BBS7: variants seen among roughly 807,000 people sequenced by gnomAD.
The protein encoded by BBS7 is BBSome complex member BBS7.
Under a neutral mutation model 90.3 loss-of-function variants are expected in BBS7, and 50 were observed. That is an observed-to-expected ratio of 0.55 (90% CI 0.44 to 0.70). The LOEUF (loss-of-function observed/expected upper bound fraction) is 0.70. Among genes scored for constraint, BBS7 ranks in the 30% least tolerant of loss-of-function variants. The probability of loss-of-function intolerance (pLI) is 0.00; values close to 1 mark genes in which losing one functional copy is unlikely to be tolerated. For missense variants in BBS7, 729 were observed against 838.9 expected (o/e 0.87, Z 1.62); for synonymous variants, 235 against 287.4 (o/e 0.82, Z 1.85).
intron 4 of BBS7, 87 bp from the exon 5 acceptor site, chr4:121,859,265 T>G: frequency 1.7e-6 from 2 of 1,151,324 alleles, no homozygotes; most frequent in Non-Finnish European, 2.6e-6. Context: ...GTATACAGTT[T>G]ACTAACATTT....
rs1415467368 is a variant in BBS7 at position 121,825,781 on chromosome 4, A to T, written c.*79T>A. The T allele has an allele frequency of 1.4e-6, 2 of 1,451,756 alleles. No individual in the cohort carries two copies. Among genetic ancestry groups the T allele is most frequent in the Non-Finnish European group, 1.9e-6 (2 of 1,048,172 alleles). The allele number at this position is 1,451,756 out of a possible 1,614,324, so 89.9% of individuals were successfully genotyped here. A position where few individuals can be genotyped will look rare whatever the true frequency, so the allele number is the denominator to read the frequency against. On this transcript the variant is annotated 3_prime_UTR_variant, in exon 19 of 19. Coordinates refer to ENST00000264499, the MANE Select transcript of BBS7 (RefSeq NM_176824.3). Reference sequence around the variant, plus strand: ...AAAAGCATTTGAAATTAAAGTACATACACAGTTAACTTCTAATTCTCTTTT... The same window carrying T: ...AAAAGCATTTGAAATTAAAGTACATTCACAGTTAACTTCTAATTCTCTTTT...
At chr4:121,840,840 CTTT>C (rs140599414) in intron 12 of BBS7, among the ~76,000 whole-genome samples, 5 of 142,018 alleles carry the variant, frequency 3.5e-5, no homozygotes, top group Admixed American at 7.1e-5. Flanking sequence ...TAAATATATT[CTTT>C]TTTTTTTTTT....
intron 2 of BBS7, among the ~76,000 whole-genome samples, chr4:121,864,911 A>G (rs1216533250): frequency 6.6e-6 from 1 of 152,212 alleles, no homozygotes; most frequent in Non-Finnish European, 1.5e-5. Flanking sequence ...AGGATCAGTC[A>G]ATACCTTCTT....
chr4:121,861,661 G>C lies in BBS7; in HGVS notation c.184C>G (p.Pro62Ala), dbSNP rs765777187. The change falls in exon 4 of 19, where the codon CCC (proline) becomes GCC (alanine). Residue 62 changes from proline to alanine, a missense_variant. Pro to Ala is a conservative substitution (Grantham distance 27). Transcript: ENST00000264499. ...GEAAAVFKTL[P>A]GPKIARLELG... is the part of the protein sequence containing the mutation. ...TCCAGCCTTGCAATCTTCGGCCCGGGTAAAGTCTTGAACACTGCCTGAAAA... is the reference window on the plus strand; with the variant it reads ...TCCAGCCTTGCAATCTTCGGCCCGGCTAAAGTCTTGAACACTGCCTGAAAA... 6.2e-7 allele frequency: 1 copy of C among 1,613,320 alleles called. No homozygotes were observed. Among genetic ancestry groups the C allele is most frequent in the Non-Finnish European group, 8.5e-7 (1 of 1,179,718 alleles).
intron 2 of BBS7, among the ~76,000 whole-genome samples, chr4:121,864,522 CAT>C (rs1560668919): frequency 6.6e-6 from 1 of 152,130 alleles, no homozygotes. Flanking sequence ...TTCATAAAGA[CAT>C]GTTATGTAAA....
At chr4:121,852,867 AT>A in intron 8 of BBS7, 88 bp downstream of exon 8, 1 of 1,334,682 alleles carries the variant, frequency 7.5e-7, no homozygotes, top group Non-Finnish European at 1.1e-6. Flanking sequence ...AGATTTTAAT[AT>A]ATTTTCACTT....
At chr4:121,858,173 C>T (rs576668452) in intron 5 of BBS7, among the ~76,000 whole-genome samples, 51 of 152,182 alleles carry the variant, frequency 3.4e-4, no homozygotes, top group African/African-American at 1.2e-3. Flanking sequence ...TGGATTTTTC[C>T]TTTTACAAAA....
chr4:121,842,251 C>CAAAA (rs1270788731), intron 12 of BBS7, among the ~76,000 whole-genome samples: 6 of 66,638 alleles, frequency 9.0e-5, no homozygotes, highest in Non-Finnish European at 2.1e-4. Flanking sequence ...GACTCCATCT[C>CAAAA]AAAAAAAAAA....
rs370510563 is a variant in BBS7 at position 121,854,772 on chromosome 4, G to A, written c.650C>T (p.Ala217Val). The A allele has an allele frequency of 9.3e-6, 15 of 1,612,368 alleles. No individual in the cohort carries two copies. Among genetic ancestry groups the A allele is most frequent in the African/African-American group, 2.7e-5 (2 of 74,832 alleles). Reference protein sequence around the residue: ...LLFGTSDGKLALIQITTSKPV... With the variant: ...LLFGTSDGKLVLIQITTSKPV... ...TTTGGATGTAGTAATCTGTATAAGC[G>A]CAAGTTTTCCGTCTGATGTCCCAAA... The change falls in exon 7 of 19, where the codon GCG (alanine) becomes GTG (valine). Residue 217 changes from alanine to valine, a missense_variant. Ala to Val is a moderately conservative substitution (Grantham distance 64). Coordinates refer to ENST00000264499, the MANE Select transcript of BBS7 (RefSeq NM_176824.3).
At chr4:121,858,261 G>T (rs1251431587) in intron 5 of BBS7, among the ~76,000 whole-genome samples, 1 of 152,054 alleles carries the variant, frequency 6.6e-6, no homozygotes, top group Non-Finnish European at 1.5e-5. Flanking sequence ...GGACTTCACA[G>T]CTCAACTTTT....
At position 121,845,642 on chromosome 4, in the gene BBS7, T is replaced by C; in HGVS notation, c.1092A>G (p.Gln364=). The C allele has an allele frequency of 3.1e-6, 5 of 1,613,212 alleles. No individual in the cohort carries two copies. Among genetic ancestry groups the C allele is most frequent in the Non-Finnish European group, 4.2e-6 (5 of 1,179,418 alleles). The part of the protein sequence containing the change: ...YKVLQERENY[Q]QSSQSSKAKS... ...TTGCTTTGCTTGATTGAGAAGACTG[T>C]TGATAATTCTCTCTTTCCTGCAATA... The change falls in exon 11 of 19, where the codon CAA becomes CAG. Residue 364 remains glutamine (Q), a synonymous_variant. Coordinates refer to ENST00000264499, the MANE Select transcript of BBS7 (RefSeq NM_176824.3).
rs1455637176 is a variant in BBS7, at chr4:121,870,289, C to T, written c.25G>A (p.Asp9Asn). The change falls in exon 1 of 19, where the codon GAT becomes AAT. Residue 9 changes from aspartate to asparagine, a missense_variant. By Grantham distance (23) the Asp-to-Asn change is conservative. Transcript: ENST00000264499. ...TCCCTTGGGTTTACCTGCAGATAAT[C>T]CATTCGGTTTAAAATCAGATCCATG... The part of the protein sequence containing the change: MDLILNRM[D>N]YLQVGVTSQK... The T allele has an allele frequency of 6.2e-7, 1 of 1,614,062 alleles. No individual in the cohort carries two copies. The highest frequency in any genetic ancestry group is 8.5e-7 in the Non-Finnish European group (1 of 1,180,030).
At chr4:121,846,370 T>G (rs918287932) in intron 10 of BBS7, among the ~76,000 whole-genome samples, 1 of 152,128 alleles carries the variant, frequency 6.6e-6, no homozygotes, top group Non-Finnish European at 1.5e-5. Flanking sequence ...GGAGGAAAAG[T>G]CTAGGGAGGA....
rs1725287777 is a variant in BBS7 at position 121,833,323 on chromosome 4, C to T, written c.1584G>A (p.Leu528=). The change falls in exon 15 of 19, where the codon CTG becomes CTA. Residue 528 remains leucine, a synonymous_variant. Transcript: ENST00000264499. ...CTGGAGGTTTTTCTGGAACTTCAGG[C>T]AGACAAAAAACCACCCAGGAGTGAA... ...AEVHSWVVFC[L]PEVPEKPPAG... 1 of 1,613,796 alleles carries T rather than the reference C, an allele frequency of 6.2e-7. No homozygotes were observed. The highest frequency in any genetic ancestry group is 1.1e-5 in the South Asian group (1 of 91,084).
chr4:121,835,877 G>C (rs914220611), intron 13 of BBS7, among the ~76,000 whole-genome samples: 2 of 151,986 alleles, frequency 1.3e-5, no homozygotes, highest in Admixed American at 1.3e-4. Context: ...AGAAAAATCT[G>C]GAGAAACATG....
At position 121,828,738 on chromosome 4, in the gene BBS7, TA is replaced by T; in HGVS notation, c.1677-11del. On this transcript the variant is annotated splice_polypyrimidine_tract_variant and intron_variant, in intron 15 of 18. Coordinates refer to ENST00000264499, the MANE Select transcript of BBS7 (RefSeq NM_176824.3). Reference sequence around the variant, plus strand: ...AACTCCCTCTCCTTTTCTATAAAATTAATATATTTTTTAAAAGAATAGCTGT... The same window carrying T: ...AACTCCCTCTCCTTTTCTATAAAATTATATATTTTTTAAAAGAATAGCTGT... The T allele has an allele frequency of 6.9e-7, 1 of 1,447,070 alleles. No individual in the cohort carries two copies. The highest frequency in any genetic ancestry group is 9.5e-7 in the Non-Finnish European group (1 of 1,048,138). The allele number at this position is 1,447,070 out of a possible 1,614,324, so 89.6% of individuals were successfully genotyped here. A position where few individuals can be genotyped will look rare whatever the true frequency, so the allele number is the denominator to read the frequency against.
intron 5 of BBS7, among the ~76,000 whole-genome samples, chr4:121,857,163 G>C (rs141253797): frequency 1.3e-5 from 2 of 148,262 alleles, no homozygotes; most frequent in East Asian, 4.0e-4. Context: ...CTGTCATCCA[G>C]GCTGGAGTGC....
At position 121,825,350 on chromosome 4, in the gene BBS7, C is replaced by T. The variant is rs1578518385; in HGVS notation, c.*510G>A. On this transcript the variant is annotated 3_prime_UTR_variant, in exon 19 of 19. Transcript: ENST00000264499. ...CCAGGACACAAAGCAAGTACCAGTA[C>T]TTGGGTTCTGGTCCCAGCTTTACAA... 2 of 153,024 alleles carry T rather than the reference C, an allele frequency of 1.3e-5. No individual in the cohort carries two copies. Among genetic ancestry groups the T allele is most frequent in the East Asian group, 1.9e-4 (1 of 5,216 alleles). The allele number at this position is 153,024 out of a possible 1,614,324, so 9.5% of individuals were successfully genotyped here.
intron 15 of BBS7, among the ~76,000 whole-genome samples, chr4:121,830,667 C>A (rs1725136697): frequency 6.6e-6 from 1 of 152,122 alleles, no homozygotes; most frequent in Non-Finnish European, 1.5e-5. Flanking sequence ...AGTTAAGCAA[C>A]CAGCTAGGGT....
Sources: allele counts gnomAD v4.1 joint callset (sites outside exome capture counted in the v4.1 genomes callset), GRCh38; gene constraint gnomAD v4.1.1; transcripts MANE v1.5; gene names NCBI Gene and HGNC (gene_info 2026-07-23, HGNC 2026-07-21).